The following ADAM22 variants were observed in gnomAD, a reference collection of about 807,000 sequenced individuals.
ADAM22 encodes disintegrin and metalloproteinase domain-containing protein 22.
Under a neutral mutation model 144.6 loss-of-function variants are expected in ADAM22, and 65 were observed. That is an observed-to-expected ratio of 0.45 (90% CI 0.37 to 0.55). The LOEUF is 0.55. Ranked by LOEUF, ADAM22 falls within the 20% of genes least tolerant of loss-of-function variation. The pLI is 0.00. For missense variants in ADAM22, 974 were observed against 1,184.9 expected, an observed-to-expected ratio of 0.82 and a Z score of 2.61; for synonymous variants, 391 against 412.6, an observed-to-expected ratio of 0.95 and a Z score of 0.63.
At chr7:88,017,805 A>G (rs576061512) in intron 3 of ADAM22, among the ~76,000 whole-genome samples, 62 of 151,716 alleles carry the variant, frequency 4.1e-4, no homozygotes, top group African/African-American at 1.4e-3. Context: ...ATGTGTGTGT[A>G]TATATATGTG....
At chr7:87,958,460 A>G (rs1161081278) in intron 2 of ADAM22, among the ~76,000 whole-genome samples, 3 of 151,360 alleles carry the variant, frequency 2.0e-5, no homozygotes, top group Non-Finnish European at 4.4e-5. Flanking sequence ...ATCTCGGCTC[A>G]CTGCAAACTC....
rs112227153 is a variant in ADAM22 at position 88,004,318 on chromosome 7, C to G, written c.323+25906C>G. On this transcript the variant is annotated intron_variant, in intron 3 of 31. Transcript: ENST00000413139. ...TTCCTTGGTCATTTGCTTTTAGCAT[C>G]TTTTGGACCATAGTTAGGGGAATAA... is the stretch of plus-strand genomic sequence containing the variant. Among the ~76,000 whole-genome samples, 1,074 of 152,328 alleles carry G rather than the reference C, an allele frequency of 7.1e-3. 13 individuals are homozygous for G. Among genetic ancestry groups the G allele is most frequent in the African/African-American group, 0.025 (1,026 of 41,578 alleles).
At chr7:88,041,401 A>G (rs2129471973) in intron 3 of ADAM22, among the ~76,000 whole-genome samples, 1 of 152,004 alleles carries the variant, frequency 6.6e-6, no homozygotes, top group South Asian at 2.1e-4. Flanking sequence ...GGAGTTTTAC[A>G]TTAGTATGTG....
intron 4 of ADAM22, among the ~76,000 whole-genome samples, chr7:88,081,871 A>G (rs985347774): frequency 7.3e-5 from 11 of 150,286 alleles, no homozygotes; most frequent in Non-Finnish European, 1.6e-4. Flanking sequence ...TTCCATGCTC[A>G]TGGGTAGGAA....
At chr7:88,086,874 A>T (rs886129915) in intron 4 of ADAM22, among the ~76,000 whole-genome samples, 1 of 152,212 alleles carries the variant, frequency 6.6e-6, no homozygotes, top group Non-Finnish European at 1.5e-5. Context: ...GAACAGTTAT[A>T]TAGGCTTTAG....
intron 9 of ADAM22, among the ~76,000 whole-genome samples, chr7:88,129,153 G>T (rs1043433758): frequency 1.3e-5 from 2 of 151,976 alleles, no homozygotes; most frequent in African/African-American, 4.8e-5. Context: ...TTAGGATGAA[G>T]TTTCTTAGGA....
intron 4 of ADAM22, among the ~76,000 whole-genome samples, chr7:88,093,007 A>T (rs1396437760): frequency 1.3e-5 from 2 of 152,154 alleles, no homozygotes; most frequent in African/African-American, 2.4e-5. Context: ...AATGTTCAAG[A>T]TGTTATCTAT....
At chr7:88,022,015 G>C in intron 3 of ADAM22, among the ~76,000 whole-genome samples, 1 of 151,864 alleles carries the variant, frequency 6.6e-6, no homozygotes, top group South Asian at 2.1e-4. Flanking sequence ...GAGGACTACA[G>C]ACATGTACCA....
chr7:88,052,739 GA>G (rs1181349256), intron 3 of ADAM22, among the ~76,000 whole-genome samples: 1 of 151,994 alleles, frequency 6.6e-6, no homozygotes, highest in Non-Finnish European at 1.5e-5. Flanking sequence ...GGTTGACTGA[GA>G]AAAAAAGTTA....
intron 2 of ADAM22, among the ~76,000 whole-genome samples, chr7:87,975,813 G>C (rs578223649): frequency 6.6e-6 from 1 of 152,266 alleles, no homozygotes; most frequent in East Asian, 1.9e-4. Flanking sequence ...AGGAAATTGA[G>C]GTAAGAGCTT....
intron 15 of ADAM22, among the ~76,000 whole-genome samples, chr7:88,143,590 C>A (rs1270371517): frequency 6.6e-6 from 1 of 152,152 alleles, no homozygotes; most frequent in Non-Finnish European, 1.5e-5. Flanking sequence ...AACAAGTCTT[C>A]TTAAAGCAGA....
At chr7:88,166,078 G>A in intron 24 of ADAM22, 132 bp downstream of exon 24, 1 of 565,128 alleles carries the variant, frequency 1.8e-6, no homozygotes, top group East Asian at 3.3e-5. Context: ...ATACAACTGG[G>A]GTCCATTTTA....
At chr7:88,062,823 T>C (rs911456441) in intron 3 of ADAM22, among the ~76,000 whole-genome samples, 1 of 152,152 alleles carries the variant, frequency 6.6e-6, no homozygotes, top group Non-Finnish European at 1.5e-5. Context: ...ATTTCCATAT[T>C]GTTTTGTCTC....
intron 22 of ADAM22, among the ~76,000 whole-genome samples, chr7:88,157,016 A>G (rs1840158216): frequency 6.6e-6 from 1 of 152,126 alleles, no homozygotes; most frequent in African/African-American, 2.4e-5. Context: ...ACAAGAAAAT[A>G]GGGTGCTGTT....
At chr7:87,957,661 G>T (rs568832237) in intron 2 of ADAM22, among the ~76,000 whole-genome samples, 12 of 152,070 alleles carry the variant, frequency 7.9e-5, no homozygotes, top group African/African-American at 2.9e-4. Context: ...ACTCACTGCA[G>T]CCTCTGCCTC....
At chr7:88,047,544 C>T (rs1257009267) in intron 3 of ADAM22, among the ~76,000 whole-genome samples, 1 of 152,130 alleles carries the variant, frequency 6.6e-6, no homozygotes, top group Non-Finnish European at 1.5e-5. Flanking sequence ...GTCAAGTGCT[C>T]TCTAAATTTT....
intron 3 of ADAM22, among the ~76,000 whole-genome samples, chr7:88,061,978 A>G (rs1810013292): frequency 6.6e-6 from 1 of 151,398 alleles, no homozygotes; most frequent in Admixed American, 6.6e-5. Flanking sequence ...AATAGCTTGG[A>G]CTACAGGTGT....
Position 88,193,234 on chromosome 7 carries a change from G to A in ADAM22, c.2869G>A (p.Ala957Thr). ...GGACAAGAAAGTGAACCGACAAAGT[G>A]CCAGGGTATGTGGAAACCTCTTCCA... ...DEDKKVNRQS[A>T]RLWETSI Residue 957 changes from alanine (A) to threonine (T), a missense_variant, in exon 31 of 32, where the codon GCC becomes ACC. Coordinates refer to ENST00000413139, the MANE Select transcript of ADAM22 (RefSeq NM_001324418.2). 1.9e-6 allele frequency: 3 copies of A among 1,613,848 alleles called. No homozygotes were observed. Among genetic ancestry groups the A allele is most frequent in the Non-Finnish European group, 2.5e-6 (3 of 1,179,862 alleles).
rs144854404 is a variant in ADAM22 at position 88,117,944 on chromosome 7, C to T, written c.607+1130C>T. ...TCCTGACCTTGTGATCCACCTGCCT[C>T]GGCCTCCCAAAGTGCTGGGTTTACA... On this transcript the variant is annotated intron_variant, in intron 7 of 31. Coordinates refer to ENST00000413139, the MANE Select transcript of ADAM22 (RefSeq NM_001324418.2). Among the ~76,000 whole-genome samples the T allele has an allele frequency of 2.3e-3, 344 of 152,210 alleles. 3 individuals are homozygous for T. Among genetic ancestry groups the T allele is most frequent in the African/African-American group, 7.9e-3 (330 of 41,548 alleles).
Sources: allele counts gnomAD v4.1 joint callset (sites outside exome capture counted in the v4.1 genomes callset), GRCh38; gene constraint gnomAD v4.1.1; transcripts MANE v1.5; gene names NCBI Gene and HGNC (gene_info 2026-07-23, HGNC 2026-07-21).